Variants in FDFT1 observed in about 807,000 individuals in gnomAD.
The protein encoded by FDFT1 is squalene synthase.
A neutral mutation model predicts 46.8 loss-of-function variants in FDFT1; 68 were observed. The ratio of observed to expected loss-of-function variants is 1.45; its 90% CI spans 1.19 to 1.78. FDFT1 has a LOEUF of 1.78. FDFT1 is among the 40% of genes most tolerant of loss of function. The probability of loss-of-function intolerance (pLI) is 0.00; values close to 1 mark genes in which losing one functional copy is unlikely to be tolerated. For missense variants in FDFT1, 928 were observed against 524.4 expected, an observed-to-expected ratio of 1.77 and a Z score of -7.52; for synonymous variants, 351 against 185.1, an observed-to-expected ratio of 1.90 and a Z score of -7.28.
chr8:11,819,225 T>C (rs1452178948), intron 3 of FDFT1, among the ~76,000 whole-genome samples: 1 of 152,260 alleles, frequency 6.6e-6, no homozygotes, highest in Non-Finnish European at 1.5e-5. Flanking sequence ...CTGCTGTTAG[T>C]CTGATGGGCT....
rs1586032414 is a variant in FDFT1, at chr8:11,838,817, G to C, written c.*208G>C. On this transcript the variant is annotated 3_prime_UTR_variant, in exon 8 of 8. Coordinates refer to ENST00000220584, the MANE Select transcript of FDFT1 (RefSeq NM_004462.5). Reference sequence around the variant, plus strand: ...TGCCTCATCCCAGCAACCTGTCCTTGTGGGTGATGATCACTGTGCTGCTTG... The same window carrying C: ...TGCCTCATCCCAGCAACCTGTCCTTCTGGGTGATGATCACTGTGCTGCTTG... The C allele has an allele frequency of 5.2e-6, 3 of 574,864 alleles. No individual in the cohort carries two copies. In the East Asian group the frequency reaches 9.1e-5, roughly 17 times the overall value. 35.6% of individuals were successfully genotyped at this position (574,864 alleles called of 1,614,324 possible).
At chr8:11,838,020 C>A (rs901725679) in intron 7 of FDFT1, among the ~76,000 whole-genome samples, 1 of 152,186 alleles carries the variant, frequency 6.6e-6, no homozygotes, top group Admixed American at 6.5e-5. Context: ...TCCAGCATTT[C>A]CCTTTCGTCA....
Position 11,821,604 on chromosome 8 carries a change from A to G in FDFT1, c.382-146A>G. 3.1e-6 allele frequency: 3 copies of G among 966,704 alleles called. No homozygotes were observed. In the Admixed American group the frequency reaches 6.8e-5, roughly 22 times the overall value. The allele number at this position is 966,704 out of a possible 1,614,324, so 59.9% of individuals were successfully genotyped here. On this transcript the variant is annotated intron_variant, in intron 3 of 7. Coordinates refer to ENST00000220584, the MANE Select transcript of FDFT1 (RefSeq NM_004462.5). ...AGACTCCATCTCAAAAACAAAAACA[A>G]AAACAAAAAAAATGTGTGACCTAAA...
chr8:11,831,149 C>G (rs572924942), intron 6 of FDFT1, among the ~76,000 whole-genome samples: 2 of 152,292 alleles, frequency 1.3e-5, no homozygotes, highest in East Asian at 1.9e-4. Context: ...AGAAAAACAA[C>G]TACAATAGAA....
At chr8:11,802,718 G>T, upstream of FDFT1, 8 of 800,930 alleles carry the variant, frequency 1.0e-5, no homozygotes, top group East Asian at 2.7e-5. Flanking sequence ...TACTAGGCCT[G>T]CCCCCTGTCC....
intron 3 of FDFT1, among the ~76,000 whole-genome samples, chr8:11,817,115 C>T (rs943513386): frequency 2.0e-5 from 3 of 152,176 alleles, no homozygotes. Context: ...TTTCGTGCAT[C>T]TATTGAGATA....
intron 3 of FDFT1, among the ~76,000 whole-genome samples, chr8:11,817,023 T>C (rs903753217): frequency 6.6e-6 from 1 of 152,170 alleles, no homozygotes; most frequent in Non-Finnish European, 1.5e-5. Context: ...AATAGCTCCT[T>C]ATTATTTTGA....
upstream of FDFT1, chr8:11,802,030 G>A (rs150090565): frequency 2.2e-6 from 1 of 456,054 alleles, no homozygotes; most frequent in East Asian, 6.9e-5. Context: ...TCTAGGATGA[G>A]AGAAGTTTCC....
chr8:11,827,484 C>T (rs945589029), intron 5 of FDFT1, among the ~76,000 whole-genome samples: 1 of 151,488 alleles, frequency 6.6e-6, no homozygotes, highest in Non-Finnish European at 1.5e-5. Flanking sequence ...CACCACTGCA[C>T]TCCAGCCTCG....
intron 5 of FDFT1, among the ~76,000 whole-genome samples, chr8:11,828,906 G>T (rs887041351): frequency 1.3e-5 from 2 of 152,170 alleles, no homozygotes; most frequent in African/African-American, 4.8e-5. Flanking sequence ...CCATTCATCA[G>T]TTGAAGGATA....
rs112198533 is a variant in FDFT1 at position 11,831,671 on chromosome 8, G to A, written c.1032+1G>A. On this transcript the variant is annotated splice_donor_variant, in intron 7 of 7. Transcript: ENST00000220584. LOFTEE classifies it high-confidence loss of function. ...CATCATATATCAGTATATGGAAGAGGTGGGTTTTTATTTAACTACTTGGAT... is the reference window on the plus strand; with the variant it reads ...CATCATATATCAGTATATGGAAGAGATGGGTTTTTATTTAACTACTTGGAT... The A allele has an allele frequency of 6.2e-7, 1 of 1,611,694 alleles. No individual in the cohort carries two copies. The highest frequency in any genetic ancestry group is 1.7e-5 in the Admixed American group (1 of 59,942).
At chr8:11,820,627 C>T (rs1011323613) in intron 3 of FDFT1, among the ~76,000 whole-genome samples, 3 of 152,232 alleles carry the variant, frequency 2.0e-5, no homozygotes, top group African/African-American at 4.8e-5. Flanking sequence ...TGATCTCAGA[C>T]TGCTTGGCTA....
At chr8:11,825,975 T>A in intron 4 of FDFT1, 49 bp from the exon 5 acceptor site, 2 of 1,371,778 alleles carry the variant, frequency 1.5e-6, no homozygotes, top group Non-Finnish European at 2.0e-6. Flanking sequence ...GTGTGTCCAT[T>A]TCAGTAAAAA....
chr8:11,825,349 G>A lies in FDFT1; in HGVS notation c.511-675G>A, dbSNP rs111808561. On this transcript the variant is annotated intron_variant, in intron 4 of 7. Transcript: ENST00000220584. ...TTGAGGTCAGGAGTTCGAGACCAGC[G>A]TGGCCAACATGGTGAAACCCCGTCT... Among the ~76,000 whole-genome samples the A allele has an allele frequency of 3.3e-5, 5 of 151,810 alleles. No individual in the cohort carries two copies. In the East Asian group the frequency reaches 5.8e-4, roughly 18 times the overall value.
At chr8:11,799,843 G>T (rs1246396034), upstream of FDFT1, among the ~76,000 whole-genome samples, 1 of 151,840 alleles carries the variant, frequency 6.6e-6, no homozygotes, top group African/African-American at 2.4e-5. Flanking sequence ...CTACTCGGGA[G>T]GCTAAGGCAG....
intron 7 of FDFT1, among the ~76,000 whole-genome samples, chr8:11,837,231 T>A (rs111467659): frequency 0.023 from 3,467 of 151,566 alleles, 130 homozygotes; most frequent in African/African-American, 0.079. Flanking sequence ...GTTGTTCTTT[T>A]GTTTTTGTTT....
At chr8:11,810,554 A>G (rs1807568910) in intron 3 of FDFT1, among the ~76,000 whole-genome samples, 7 of 152,230 alleles carry the variant, frequency 4.6e-5, no homozygotes, top group Admixed American at 4.6e-4. Flanking sequence ...CAGGGTAAGT[A>G]TTCTGTAAGT....
intron 3 of FDFT1, among the ~76,000 whole-genome samples, chr8:11,817,254 T>C (rs186227078): frequency 1.7e-3 from 264 of 152,358 alleles, no homozygotes; most frequent in African/African-American, 6.1e-3. Flanking sequence ...TTTGATGTGC[T>C]GCTGGATTCA....
intron 6 of FDFT1, 21 bp from the exon 7 acceptor site, chr8:11,831,497 C>A (rs781403054): frequency 6.3e-7 from 1 of 1,597,610 alleles, no homozygotes; most frequent in East Asian, 2.3e-5. Flanking sequence ...TCTTTTTTCC[C>A]TCTCTTCTTG....
Sources: gnomAD v4.1 joint callset for allele counts (sites outside exome capture counted in the v4.1 genomes callset) on GRCh38, gnomAD v4.1.1 for gene constraint, MANE v1.5 for transcripts, NCBI Gene and HGNC (gene_info 2026-07-23, HGNC 2026-07-21) for gene names.